Variants in SP5 observed in about 807,000 individuals in gnomAD.
SP5 encodes transcription factor Sp5.
Under a neutral mutation model 27.4 loss-of-function variants are expected in SP5, and 12 were observed. That is an observed-to-expected ratio of 0.44 (90% CI 0.28 to 0.71). The LOEUF is 0.71. Ranked by LOEUF, SP5 falls within the 30% of genes least tolerant of loss-of-function variation. The pLI is 0.15. For synonymous variants in SP5, 330 were observed against 290.7 expected (o/e 1.14, Z -1.38); for missense variants, 660 against 589.8 (o/e 1.12, Z -1.23).
rs564760691 is a variant in SP5 at position 170,717,862 on chromosome 2, A to G, written c.*458A>G. Reference sequence around the variant, plus strand: ...AATTATAATAATTATAACATTAATAAAAATGTTGCTTTTGTCTTCAGCTCC... The same window carrying G: ...AATTATAATAATTATAACATTAATAGAAATGTTGCTTTTGTCTTCAGCTCC... On this transcript the variant is annotated 3_prime_UTR_variant, in exon 2 of 2. Coordinates refer to ENST00000375281, the MANE Select transcript of SP5 (RefSeq NM_001003845.3). 1.3e-3 allele frequency: 215 copies of G among 162,478 alleles called. 1 individual carries two copies. The highest frequency in any genetic ancestry group is 2.4e-3 in the Admixed American group (39 of 16,354). 10.1% of individuals were successfully genotyped at this position (162,478 alleles called of 1,614,324 possible). A position where few individuals can be genotyped will look rare whatever the true frequency, so the allele number is the denominator to read the frequency against.
Position 170,716,660 on chromosome 2 carries a change from G to A in SP5, c.453G>A (p.Ala151=), listed in dbSNP as rs755425806. The A allele has an allele frequency of 3.1e-6, 5 of 1,599,932 alleles. No homozygotes were observed. The highest frequency in any genetic ancestry group is 2.3e-5 in the East Asian group (1 of 44,100). The stretch of plus-strand genomic sequence containing the variant: ...CGCCCGCCTACGTGCCCTACGCGGC[G>A]CAGGCCGCGCTGCCGCCAGGCTACT... ...SCAPAYVPYA[A]QAALPPGYSN... The change falls in exon 2 of 2, where the codon GCG becomes GCA. Residue 151 remains alanine (A), a synonymous_variant. Transcript: ENST00000375281.
chr2:170,716,669 G>C lies in SP5; in HGVS notation c.462G>C (p.Ala154=), dbSNP rs752357288. 6.3e-7 allele frequency: 1 copy of C among 1,596,082 alleles called. No individual in the cohort carries two copies. Among genetic ancestry groups the C allele is most frequent in the Non-Finnish European group, 8.5e-7 (1 of 1,174,862 alleles). The change falls in exon 2 of 2, where the codon GCG becomes GCC. Residue 154 remains alanine (A), a synonymous_variant. Coordinates refer to ENST00000375281, the MANE Select transcript of SP5 (RefSeq NM_001003845.3). ...PAYVPYAAQA[A]LPPGYSNLLP... ...ACGTGCCCTACGCGGCGCAGGCCGC[G>C]CTGCCGCCAGGCTACTCCAACCTGC...
rs751861936 is a variant in SP5, at chr2:170,716,655, G to A, written c.448G>A (p.Ala150Thr). The change falls in exon 2 of 2, where the codon GCG (alanine) becomes ACG (threonine). Residue 150 changes from alanine (A) to threonine (T), a missense_variant. Transcript: ENST00000375281. ...ASCAPAYVPY[A>T]AQAALPPGYS... The stretch of plus-strand genomic sequence containing the variant: ...CTGCGCGCCCGCCTACGTGCCCTAC[G>A]CGGCGCAGGCCGCGCTGCCGCCAGG... The A allele has an allele frequency of 6.2e-7, 1 of 1,602,460 alleles. No homozygotes were observed. The highest frequency in any genetic ancestry group is 2.3e-5 in the East Asian group (1 of 44,362).
chr2:170,716,105 G>T (rs1180070121), intron 1 of SP5, 154 bp from the exon 2 acceptor site: 1 of 1,406,142 alleles, frequency 7.1e-7, no homozygotes, highest in East Asian at 2.8e-5. Flanking sequence ...CGGCCGGTGG[G>T]TGCGTGCGTG....
chr2:170,717,457 C>T lies in SP5; in HGVS notation c.*53C>T, dbSNP rs1290737686. On this transcript the variant is annotated 3_prime_UTR_variant, in exon 2 of 2. Coordinates refer to ENST00000375281, the MANE Select transcript of SP5 (RefSeq NM_001003845.3). ...AGCACCTCTGCGAGAGATCCGGGGA[C>T]CTGTGGGCAGCTGGCGGAGGGGAGA... The T allele has an allele frequency of 2.5e-6, 4 of 1,589,710 alleles. No homozygotes were observed. Among genetic ancestry groups the T allele is most frequent in the Non-Finnish European group, 1.7e-6 (2 of 1,172,864 alleles).
At position 170,717,198 on chromosome 2, in the gene SP5, C is replaced by T. The variant is rs1192616364; in HGVS notation, c.991C>T (p.Leu331Phe). ...TGERPFVCNWLFCGKSFTRSD... is the reference protein window; with the variant it reads ...TGERPFVCNWFFCGKSFTRSD... ...CGAGCGACCCTTCGTGTGCAACTGG[C>T]TCTTCTGCGGGAAGAGCTTCACGCG... Residue 331 changes from leucine to phenylalanine, a missense_variant, in exon 2 of 2, where the codon CTC (leucine) becomes TTC (phenylalanine). Coordinates refer to ENST00000375281, the MANE Select transcript of SP5 (RefSeq NM_001003845.3). 6.2e-7 allele frequency: 1 copy of T among 1,608,626 alleles called. No individual in the cohort carries two copies. The highest frequency in any genetic ancestry group is 8.5e-7 in the Non-Finnish European group (1 of 1,178,488).
Position 170,715,572 on chromosome 2 carries a change from C to G in SP5, c.51+9C>G. 1.3e-6 allele frequency: 2 copies of G among 1,553,758 alleles called. No individual in the cohort carries two copies. Among genetic ancestry groups the G allele is most frequent in the African/African-American group, 1.4e-5 (1 of 73,148 alleles). On this transcript the variant is annotated intron_variant, in intron 1 of 1. Transcript: ENST00000375281. ...TGCAGGCCTTTCTCCAGGTCAGGGC[C>G]GAGCCCGGAGGGGGCGGGAGAAAGG...
In SP5 at chr2:170,716,920, G is replaced by A; in HGVS notation, c.713G>A (p.Arg238Lys). ...AAAAAAAALQ[R>K]GLVLGPSDFA... Reference sequence around the variant, plus strand: ...GCTGCGGCCGCCGCCGCCCTACAAAGAGGCCTGGTGTTGGGCCCGTCGGAC... The same window carrying A: ...GCTGCGGCCGCCGCCGCCCTACAAAAAGGCCTGGTGTTGGGCCCGTCGGAC... The change falls in exon 2 of 2, where the codon AGA becomes AAA. Residue 238 changes from arginine to lysine, a missense_variant. Transcript: ENST00000375281. 1 of 1,541,200 alleles carries A rather than the reference G, an allele frequency of 6.5e-7. No homozygotes were observed. Among genetic ancestry groups the A allele is most frequent in the Non-Finnish European group, 8.7e-7 (1 of 1,143,972 alleles).
chr2:170,715,882 A>G, intron 1 of SP5: 1 of 985,382 alleles, frequency 1.0e-6, no homozygotes, highest in Non-Finnish European at 1.2e-6. Flanking sequence ...AGAGAGCTTA[A>G]AAGATGGGAG....
At chr2:170,715,790 G>C (rs1470985975) in intron 1 of SP5, 3 of 985,432 alleles carry the variant, frequency 3.0e-6, no homozygotes, top group Non-Finnish European at 3.6e-6. Flanking sequence ...GCCGAGAACA[G>C]GACCGGAGCT....
rs964218024 is a variant in SP5, at chr2:170,715,412, G to T, written c.-101G>T. 3 of 1,477,124 alleles carry T rather than the reference G, an allele frequency of 2.0e-6. No individual in the cohort carries two copies. Among genetic ancestry groups the T allele is most frequent in the Non-Finnish European group, 2.7e-6 (3 of 1,108,862 alleles). 91.5% of individuals were successfully genotyped at this position (1,477,124 alleles called of 1,614,324 possible). On this transcript the variant is annotated 5_prime_UTR_variant, in exon 1 of 2. Coordinates refer to ENST00000375281, the MANE Select transcript of SP5 (RefSeq NM_001003845.3). ...GAGGGCCCCGGCGCTCAGAGCAGGC[G>T]CCAGGGAGGCAGGCTGGGCGGCCCT... is the stretch of plus-strand genomic sequence containing the variant.
Position 170,717,553 on chromosome 2 carries a change from G to A in SP5, c.*149G>A, listed in dbSNP as rs1011915117. 5 of 1,059,822 alleles carry A rather than the reference G, an allele frequency of 4.7e-6. No homozygotes were observed. Among genetic ancestry groups the A allele is most frequent in the Non-Finnish European group, 6.7e-6 (5 of 746,876 alleles). The allele number at this position is 1,059,822 out of a possible 1,614,324, so 65.7% of individuals were successfully genotyped here. ...CAGGCTTCCAACTTCCGCTGCCTTC[G>A]GACATAGGGACCCAGTTCCCAGGAG... On this transcript the variant is annotated 3_prime_UTR_variant, in exon 2 of 2. Transcript: ENST00000375281.
chr2:170,716,992 C>G lies in SP5; in HGVS notation c.785C>G (p.Ala262Gly), dbSNP rs528196142. 1 of 1,547,706 alleles carries G rather than the reference C, an allele frequency of 6.5e-7. No individual in the cohort carries two copies. Among genetic ancestry groups the G allele is most frequent in the South Asian group, 1.2e-5 (1 of 83,954 alleles). ...ATCGCCGCGCTGCTGCAGACCAAGG[C>G]CCCCCTGGCGGCCACGGCCAGGAGG... Reference protein sequence around the residue: ...SQIAALLQTKAPLAATARRCR... With the variant: ...SQIAALLQTKGPLAATARRCR... The change falls in exon 2 of 2, where the codon GCC becomes GGC. Residue 262 changes from alanine to glycine, a missense_variant. Ala to Gly is a moderately conservative substitution (Grantham distance 60). Coordinates refer to ENST00000375281, the MANE Select transcript of SP5 (RefSeq NM_001003845.3).
Position 170,716,911 on chromosome 2 carries a change from C to A in SP5, c.704C>A (p.Ala235Asp). 1 of 1,536,600 alleles carries A rather than the reference C, an allele frequency of 6.5e-7. No individual in the cohort carries two copies. ...GCCGCTGCTGCTGCGGCCGCCGCCG[C>A]CCTACAAAGAGGCCTGGTGTTGGGC... Reference protein sequence around the residue: ...SAAAAAAAAAALQRGLVLGPS... With the variant: ...SAAAAAAAAADLQRGLVLGPS... The change falls in exon 2 of 2, where the codon GCC becomes GAC. Residue 235 changes from alanine (A) to aspartate (D), a missense_variant. Transcript: ENST00000375281.
chr2:170,717,355 T>G lies in SP5; in HGVS notation c.1148T>G (p.Leu383Arg). 1 of 1,611,022 alleles carries G rather than the reference T, an allele frequency of 6.2e-7. No individual in the cohort carries two copies. Among genetic ancestry groups the G allele is most frequent in the South Asian group, 1.1e-5 (1 of 91,072 alleles). Residue 383 changes from leucine (L) to arginine (R), a missense_variant, in exon 2 of 2, where the codon CTC becomes CGC. Physicochemically the swap from Leu to Arg is moderately radical, Grantham distance 102 (BLOSUM62 -2). Coordinates refer to ENST00000375281, the MANE Select transcript of SP5 (RefSeq NM_001003845.3). Reference protein sequence around the residue: ...KHVKTHQNKKLKVAEAGVKRE... With the variant: ...KHVKTHQNKKRKVAEAGVKRE... ...GTCAAGACTCACCAGAATAAGAAGC[T>G]CAAAGTCGCTGAGGCCGGGGTTAAG...
Position 170,717,121 on chromosome 2 carries a change from A to G in SP5, c.914A>G (p.Lys305Arg), listed in dbSNP as rs1172649836. ...GTGTGCCACGTGCCGGGCTGCGGCA[A>G]GGTGTACGGGAAGACGTCGCACCTG... ...QHVCHVPGCGKVYGKTSHLKA... is the reference protein window; with the variant it reads ...QHVCHVPGCGRVYGKTSHLKA... The change falls in exon 2 of 2, where the codon AAG (lysine) becomes AGG (arginine). Residue 305 changes from lysine to arginine, a missense_variant. Lys to Arg is a conservative substitution (Grantham distance 26). Transcript: ENST00000375281. 5 of 1,596,014 alleles carry G rather than the reference A, an allele frequency of 3.1e-6. No homozygotes were observed. Among genetic ancestry groups the G allele is most frequent in the Non-Finnish European group, 4.3e-6 (5 of 1,172,534 alleles).
intron 1 of SP5, chr2:170,715,908 G>A: frequency 7.5e-7 from 1 of 1,332,272 alleles, no homozygotes; most frequent in Non-Finnish European, 9.5e-7. Flanking sequence ...GCGGCCGGCC[G>A]GCGGGGTTGT....
At position 170,716,866 on chromosome 2, in the gene SP5, C is replaced by G. The variant is rs1372148837; in HGVS notation, c.659C>G (p.Pro220Arg). The change falls in exon 2 of 2, where the codon CCC becomes CGC. Residue 220 changes from proline to arginine, a missense_variant. Transcript: ENST00000375281. ...SGACAGAPHA[P>R]RFPASAAAAA... ...GCCTGTGCCGGGGCCCCCCACGCGCCCCGCTTCCCCGCCTCTGCGGCCGCT... is the reference window on the plus strand; with the variant it reads ...GCCTGTGCCGGGGCCCCCCACGCGCGCCGCTTCCCCGCCTCTGCGGCCGCT... 6 of 1,465,386 alleles carry G rather than the reference C, an allele frequency of 4.1e-6. No homozygotes were observed. The highest frequency in any genetic ancestry group is 5.7e-5 in the Admixed American group (2 of 35,122). The allele number at this position is 1,465,386 out of a possible 1,614,324, so 90.8% of individuals were successfully genotyped here. A position where few individuals can be genotyped will look rare whatever the true frequency, so the allele number is the denominator to read the frequency against.
In SP5 at chr2:170,717,495, A is replaced by T; in HGVS notation, c.*91A>T. On this transcript the variant is annotated 3_prime_UTR_variant, in exon 2 of 2. Transcript: ENST00000375281. The stretch of plus-strand genomic sequence containing the variant: ...GGCGGAGGGGAGACTCAGCAGACGG[A>T]CCCTCTCCGTTGCCTGCCTCCCAAA... The T allele has an allele frequency of 6.7e-7, 1 of 1,490,306 alleles. No individual in the cohort carries two copies. The highest frequency in any genetic ancestry group is 9.0e-7 in the Non-Finnish European group (1 of 1,113,704). The allele number at this position is 1,490,306 out of a possible 1,614,324, so 92.3% of individuals were successfully genotyped here.
Sources: gnomAD v4.1 joint callset for allele counts on GRCh38, gnomAD v4.1.1 for gene constraint, MANE v1.5 for transcripts, NCBI Gene and HGNC (gene_info 2026-07-23, HGNC 2026-07-21) for gene names.